The following CLC variants were observed in gnomAD, a reference collection of about 807,000 sequenced individuals.
The protein encoded by CLC is galectin-10.
In CLC, 15 loss-of-function variants were observed where a neutral mutation model predicts 13.9. The ratio of observed to expected loss-of-function variants is 1.08; its 90% CI spans 0.72 to 1.66. CLC has a LOEUF of 1.66. CLC is among the 40% of genes most tolerant of loss of function. The probability of loss-of-function intolerance (pLI) is 0.00; values close to 1 mark genes in which losing one functional copy is unlikely to be tolerated. For synonymous variants in CLC, 68 were observed against 59.9 expected (o/e 1.14, Z -0.63); for missense variants, 161 against 169.1 (o/e 0.95, Z 0.27).
At chr19:39,736,581 C>A (rs763523267) in intron 1 of CLC, among the ~76,000 whole-genome samples, 2 of 152,024 alleles carry the variant, frequency 1.3e-5, no homozygotes, top group Non-Finnish European at 2.9e-5. Flanking sequence ...TCGAGACCAG[C>A]CTGGCCAACA....
At chr19:39,737,802 G>C in intron 1 of CLC, 136 bp downstream of exon 1, 1 of 875,828 alleles carries the variant, frequency 1.1e-6, no homozygotes. Flanking sequence ...ATAGCCCTAG[G>C]GTCTCTCTTC....
chr19:39,733,853 G>A (rs1034522883), intron 3 of CLC: 8 of 791,432 alleles, frequency 1.0e-5, no homozygotes, highest in Non-Finnish European at 1.2e-5. Context: ...CTTCATATTG[G>A]ACTGACTAAA....
intron 1 of CLC, among the ~76,000 whole-genome samples, chr19:39,736,449 G>C (rs1414438307): frequency 6.6e-6 from 1 of 152,110 alleles, no homozygotes; most frequent in Non-Finnish European, 1.5e-5. Context: ...GGGTCACACT[G>C]TCACCTAGGC....
intron 2 of CLC, 57 bp from the exon 3 acceptor site, chr19:39,734,550 A>G: frequency 7.0e-7 from 1 of 1,429,786 alleles, no homozygotes. Context: ...CACACACAAG[A>G]CACACACACA....
At position 39,735,053 on chromosome 19, in the gene CLC, G is replaced by A; in HGVS notation, c.36C>T (p.Ala12=). ...TCACAGTAGAACCAGTAGACAAAGA[G>A]GCAGCCTCTGTGTATGGCACCTGCC... ...SLLPVPYTEA[A]SLSTGSTVTI... The change falls in exon 2 of 4, where the codon GCC becomes GCT. Residue 12 remains alanine, a synonymous_variant. Coordinates refer to ENST00000221804, the MANE Select transcript of CLC (RefSeq NM_001828.6). 3 of 1,613,860 alleles carry A rather than the reference G, an allele frequency of 1.9e-6. No homozygotes were observed. Among genetic ancestry groups the A allele is most frequent in the East Asian group, 2.2e-5 (1 of 44,862 alleles).
chr19:39,734,753 T>C (rs400233), intron 2 of CLC, among the ~76,000 whole-genome samples: 101,548 of 152,012 alleles, frequency 0.67, 34,658 homozygotes, highest in African/African-American at 0.76. Flanking sequence ...ATTCTATGCC[T>C]TTTAATAGAT....
At position 39,737,957 on chromosome 19, in the gene CLC, G is replaced by A. The variant is rs779143147; in HGVS notation, c.-5C>T. 7 of 1,612,474 alleles carry A rather than the reference G, an allele frequency of 4.3e-6. No homozygotes were observed. The highest frequency in any genetic ancestry group is 5.1e-6 in the Non-Finnish European group (6 of 1,178,868). ...ACTCACGGGTAGCAGGGACATTGTTGTCTCCTTCTGGGTGGCTCTTCTGAA... is the reference window on the plus strand; with the variant it reads ...ACTCACGGGTAGCAGGGACATTGTTATCTCCTTCTGGGTGGCTCTTCTGAA... On this transcript the variant is annotated 5_prime_UTR_variant, in exon 1 of 4. Coordinates refer to ENST00000221804, the MANE Select transcript of CLC (RefSeq NM_001828.6).
chr19:39,734,282 C>T lies in CLC; in HGVS notation c.303+1G>A, dbSNP rs2144917317. ...GTGCGGGGAGCTCCTGGGGTGCTCA[C>T]CTGGTACTTATCTGGCAGCACTGAG... On this transcript the variant is annotated splice_donor_variant, in intron 3 of 3. Transcript: ENST00000221804. LOFTEE classifies it high-confidence loss of function. 3 of 1,613,238 alleles carry T rather than the reference C, an allele frequency of 1.9e-6. No individual in the cohort carries two copies. Among genetic ancestry groups the T allele is most frequent in the Admixed American group, 1.7e-5 (1 of 60,010 alleles).
In CLC at chr19:39,731,261, T is replaced by C. The variant is rs988536942; in HGVS notation, c.*119A>G. On this transcript the variant is annotated 3_prime_UTR_variant, in exon 4 of 4. Transcript: ENST00000221804. ...AAGCAAGAACCAAATTCTGTGAAGT[T>C]TGATTAAGTTTTAATGAGCAGGAGT... 4 of 1,142,204 alleles carry C rather than the reference T, an allele frequency of 3.5e-6. No homozygotes were observed. The highest frequency in any genetic ancestry group is 5.1e-6 in the Non-Finnish European group (4 of 783,056). 70.8% of individuals were successfully genotyped at this position (1,142,204 alleles called of 1,614,324 possible).
chr19:39,732,101 T>G (rs1967235625), intron 3 of CLC, among the ~76,000 whole-genome samples: 1 of 148,750 alleles, frequency 6.7e-6, no homozygotes, highest in Non-Finnish European at 1.5e-5. Context: ...TTTATTATAC[T>G]TTAAGTTTTA....
At chr19:39,734,197 A>G in intron 3 of CLC, 86 bp downstream of exon 3, 1 of 1,438,766 alleles carries the variant, frequency 7.0e-7, no homozygotes, top group Non-Finnish European at 9.5e-7. Context: ...GGACAGAGGG[A>G]GTTATCTGGA....
intron 3 of CLC, 117 bp from the exon 4 acceptor site, chr19:39,731,622 T>A: frequency 1.9e-6 from 2 of 1,049,684 alleles, no homozygotes; most frequent in South Asian, 3.3e-5. Flanking sequence ...TCATTATATA[T>A]CTGAACCCAG....
At chr19:39,737,901 A>C (rs772676249) in intron 1 of CLC, 37 bp downstream of exon 1, 1 of 1,601,140 alleles carries the variant, frequency 6.2e-7, no homozygotes. Flanking sequence ...TTTCTGTGTG[A>C]CCTGAGATTA....
rs1041215616 is a variant in CLC at position 39,734,902 on chromosome 19, A to C, written c.92+95T>G. The C allele has an allele frequency of 3.0e-6, 3 of 993,356 alleles. No individual in the cohort carries two copies. In the African/African-American group the frequency reaches 4.8e-5, roughly 16 times the overall value. 61.5% of individuals were successfully genotyped at this position (993,356 alleles called of 1,614,324 possible). A position where few individuals can be genotyped will look rare whatever the true frequency, so the allele number is the denominator to read the frequency against. On this transcript the variant is annotated intron_variant, in intron 2 of 3. Transcript: ENST00000221804. The stretch of plus-strand genomic sequence containing the variant: ...CATTCATGGCACTTCCATCCTGCCA[A>C]CTAGACTTTCCACATGATTCACACA...
chr19:39,734,542 C>T lies in CLC; in HGVS notation c.93-49G>A, dbSNP rs748185808. ...GAGCAGGTCCCTTTCTTGTGGGGCACACACAAGACACACACACAAGTCTCT... is the reference window on the plus strand; with the variant it reads ...GAGCAGGTCCCTTTCTTGTGGGGCATACACAAGACACACACACAAGTCTCT... On this transcript the variant is annotated intron_variant, in intron 2 of 3. Transcript: ENST00000221804. The T allele has an allele frequency of 1.9e-5, 28 of 1,446,772 alleles. No homozygotes were observed. The East Asian group carries it at 5.7e-4, about 29-fold the overall frequency. 89.6% of individuals were successfully genotyped at this position (1,446,772 alleles called of 1,614,324 possible).
In CLC at chr19:39,734,478, C is replaced by A. The variant is rs1358322073; in HGVS notation, c.108G>T (p.Leu36=). The stretch of plus-strand genomic sequence containing the variant: ...TCATCTCAGTGTGGAAATCCACCTG[C>A]AGATATGGTTCATTCCTGAGGGCAG... ...PLACFLNEPY[L]QVDFHTEMKE... The change falls in exon 3 of 4, where the codon CTG becomes CTT. Residue 36 remains leucine, a synonymous_variant. Coordinates refer to ENST00000221804, the MANE Select transcript of CLC (RefSeq NM_001828.6). 6.2e-7 allele frequency: 1 copy of A among 1,613,978 alleles called. No individual in the cohort carries two copies. The highest frequency in any genetic ancestry group is 1.3e-5 in the African/African-American group (1 of 75,044).
rs374831523 is a variant in CLC at position 39,735,062 on chromosome 19, T to A, written c.27A>T (p.Thr9=). Residue 9 remains threonine (T), a synonymous_variant, in exon 2 of 4, where the codon ACA becomes ACT. Transcript: ENST00000221804. ...AACCAGTAGACAAAGAGGCAGCCTC[T>A]GTGTATGGCACCTGCCAGGGGATTG... The part of the protein sequence containing the change: MSLLPVPY[T]EAASLSTGST... 6.2e-7 allele frequency: 1 copy of A among 1,613,482 alleles called. No individual in the cohort carries two copies. The highest frequency in any genetic ancestry group is 1.3e-5 in the African/African-American group (1 of 74,894).
At chr19:39,736,822 G>A (rs1600847827) in intron 1 of CLC, among the ~76,000 whole-genome samples, 2 of 151,488 alleles carry the variant, frequency 1.3e-5, no homozygotes, top group Non-Finnish European at 2.9e-5. Context: ...CTGGGCTTCA[G>A]TGAACCTCTT....
chr19:39,736,771 T>C (rs1391363392), intron 1 of CLC, among the ~76,000 whole-genome samples: 2 of 81,224 alleles, frequency 2.5e-5, no homozygotes, highest in South Asian at 4.2e-4. Flanking sequence ...CGAGACTCTG[T>C]CTCAAAAAAA....
Sources: allele counts gnomAD v4.1 joint callset (sites outside exome capture counted in the v4.1 genomes callset), GRCh38; gene constraint gnomAD v4.1.1; transcripts MANE v1.5; gene names NCBI Gene and HGNC (gene_info 2026-07-23, HGNC 2026-07-21).